Variants in DNAH7 observed in about 807,000 individuals in gnomAD.
The protein encoded by DNAH7 is dynein axonemal heavy chain 7.
Under a neutral mutation model 444.6 loss-of-function variants are expected in DNAH7, and 397 were observed. That is an observed-to-expected ratio of 0.89 (90% CI 0.82 to 0.97). DNAH7 has a LOEUF of 0.97. Ranked by LOEUF, DNAH7 falls within the 50% of genes least tolerant of loss-of-function variation. The probability of loss-of-function intolerance (pLI) is 0.00; values close to 1 mark genes in which losing one functional copy is unlikely to be tolerated. For synonymous variants in DNAH7, 1,636 were observed against 1,624.4 expected (o/e 1.01, Z -0.17); for missense variants, 4,902 against 4,800.8 (o/e 1.02, Z -0.62).
rs749751044 is a variant in DNAH7, at chr2:195,884,702, T to G, written c.5646A>C (p.Ser1882=). Residue 1882 remains serine, a synonymous_variant, in exon 35 of 65, where the codon TCA becomes TCC. Transcript: ENST00000312428. ...ATTTAAACGTATTTCGAGTTCGATC[T>G]GAAATTGGACTTTCCATTAGTTCTC... is the stretch of plus-strand genomic sequence containing the variant. ...ILRELMESPI[S]DRTRNTFKLQ... The G allele has an allele frequency of 4.0e-5, 65 of 1,614,038 alleles. No homozygotes were observed. The highest frequency in any genetic ancestry group is 5.3e-5 in the Non-Finnish European group (63 of 1,179,972).
At chr2:195,908,662 C>T (rs1687181704) in intron 25 of DNAH7, among the ~76,000 whole-genome samples, 1 of 152,016 alleles carries the variant, frequency 6.6e-6, no homozygotes, top group South Asian at 2.1e-4. Context: ...ACCCCATTTT[C>T]TTTATCCATT....
chr2:195,889,353 G>T (rs1009653856), intron 31 of DNAH7, among the ~76,000 whole-genome samples: 4 of 131,958 alleles, frequency 3.0e-5, no homozygotes, highest in African/African-American at 1.1e-4. Context: ...TCACTCTGTT[G>T]TCCAGGCTGG....
intron 51 of DNAH7, among the ~76,000 whole-genome samples, chr2:195,810,817 A>T (rs1696934662): frequency 6.6e-6 from 1 of 152,196 alleles, no homozygotes; most frequent in Non-Finnish European, 1.5e-5. Flanking sequence ...TAGAAGACTT[A>T]AAATAAACAT....
At chr2:196,068,447 C>G (rs1407240905) in intron 1 of DNAH7, 1 of 554,244 alleles carries the variant, frequency 1.8e-6, no homozygotes, top group African/African-American at 1.9e-5. Context: ...CTGTGGCTCC[C>G]CCTGCTGGCG....
chr2:195,870,190 CG>C (rs1700591435), intron 40 of DNAH7, among the ~76,000 whole-genome samples: 1 of 152,060 alleles, frequency 6.6e-6, no homozygotes, highest in Non-Finnish European at 1.5e-5. Flanking sequence ...GGAAAACCAG[CG>C]CATAAATATA....
intron 47 of DNAH7, among the ~76,000 whole-genome samples, chr2:195,834,800 T>C (rs1323924865): frequency 6.6e-6 from 1 of 152,146 alleles, no homozygotes; most frequent in Non-Finnish European, 1.5e-5. Flanking sequence ...ATTTGTATAA[T>C]AGGGAAAGAG....
At chr2:195,777,484 A>G (rs984696851) in intron 59 of DNAH7, among the ~76,000 whole-genome samples, 12 of 152,322 alleles carry the variant, frequency 7.9e-5, no homozygotes, top group African/African-American at 2.9e-4. Flanking sequence ...TTTTGCTAAT[A>G]CCATCTCTTA....
chr2:196,041,732 C>T (rs1696774154), intron 5 of DNAH7, among the ~76,000 whole-genome samples: 1 of 151,510 alleles, frequency 6.6e-6, no homozygotes, highest in African/African-American at 2.4e-5. Context: ...ATTTGCATAG[C>T]AAAAGAAACA....
chr2:195,808,849 G>T lies in DNAH7; in HGVS notation c.9916C>A (p.Leu3306Ile), dbSNP rs750427688. Residue 3306 changes from leucine to isoleucine, a missense_variant, in exon 53 of 65, where the codon CTA (leucine) becomes ATA (isoleucine). Leu to Ile is a conservative substitution (Grantham distance 5). Coordinates refer to ENST00000312428, the MANE Select transcript of DNAH7 (RefSeq NM_018897.3). ...TTATCCAGTCCAATGCCACCAGTTAGCAGAAATCTCCACTCAGCTTTATTA... is the reference window on the plus strand; with the variant it reads ...TTATCCAGTCCAATGCCACCAGTTATCAGAAATCTCCACTCAGCTTTATTA... ...AINKAEWRFL[L>I]TGGIGLDNPY... The T allele has an allele frequency of 1.9e-6, 3 of 1,613,538 alleles. No homozygotes were observed. The highest frequency in any genetic ancestry group is 3.3e-5 in the Admixed American group (2 of 59,864).
chr2:195,850,593 T>C (rs764657023), intron 46 of DNAH7, among the ~76,000 whole-genome samples: 3 of 152,130 alleles, frequency 2.0e-5, no homozygotes, highest in Admixed American at 6.5e-5. Context: ...ATAAAAGAGT[T>C]GATAAATAAT....
At chr2:195,886,038 T>C (rs1315720794) in intron 34 of DNAH7, 103 bp downstream of exon 34, 3 of 1,391,048 alleles carry the variant, frequency 2.2e-6, no homozygotes, top group Non-Finnish European at 2.9e-6. Flanking sequence ...TTGACTAGTC[T>C]CCAACTTCAG....
At chr2:195,915,056 G>C (rs1687588679) in intron 24 of DNAH7, among the ~76,000 whole-genome samples, 1 of 152,192 alleles carries the variant, frequency 6.6e-6, no homozygotes, top group South Asian at 2.1e-4. Context: ...TTAAATGCCT[G>C]CGTTATGCCA....
At position 195,988,196 on chromosome 2, in the gene DNAH7, T is replaced by C. The variant is rs777753249; in HGVS notation, c.1387A>G (p.Ile463Val). The change falls in exon 13 of 65, where the codon ATA becomes GTA. Residue 463 changes from isoleucine (I) to valine (V), a missense_variant. Coordinates refer to ENST00000312428, the MANE Select transcript of DNAH7 (RefSeq NM_018897.3). The stretch of plus-strand genomic sequence containing the variant: ...GCATCTACAATTTCATTCAGAATTA[T>C]GGGCTTCAAGGTTGTTGGTTTAGAC... ...SKSKPTTLKPIILNEIVDAHK... is the reference protein window; with the variant it reads ...SKSKPTTLKPVILNEIVDAHK... 5.6e-6 allele frequency: 9 copies of C among 1,612,406 alleles called. No individual in the cohort carries two copies. The highest frequency in any genetic ancestry group is 1.1e-5 in the South Asian group (1 of 90,496).
At position 195,864,422 on chromosome 2, in the gene DNAH7, A is replaced by T. The variant is rs745997776; in HGVS notation, c.7233T>A (p.Asp2411Glu). 1 of 1,614,204 alleles carries T rather than the reference A, an allele frequency of 6.2e-7. No individual in the cohort carries two copies. Among genetic ancestry groups the T allele is most frequent in the African/African-American group, 1.3e-5 (1 of 75,062 alleles). Residue 2411 changes from aspartate (D) to glutamate (E), a missense_variant, in exon 41 of 65, where the codon GAT becomes GAA. Coordinates refer to ENST00000312428, the MANE Select transcript of DNAH7 (RefSeq NM_018897.3). ...CCCCAGCATTTAGCAGATTACTGAC[A>T]TCTTCCAGAAAAGACTCTTCTTTAA... ...TQIKEESFLE[D>E]VSNLLNAGEI...
chr2:196,017,109 G>A (rs1310557004), intron 9 of DNAH7, among the ~76,000 whole-genome samples: 1 of 152,070 alleles, frequency 6.6e-6, no homozygotes, highest in Non-Finnish European at 1.5e-5. Flanking sequence ...TCTGCCTTTT[G>A]GTTCAAGTTA....
At chr2:195,846,762 C>T (rs1428775793) in intron 46 of DNAH7, among the ~76,000 whole-genome samples, 1 of 152,102 alleles carries the variant, frequency 6.6e-6, no homozygotes. Context: ...CGTGAAAAGG[C>T]TAGACTGGCT....
intron 24 of DNAH7, among the ~76,000 whole-genome samples, chr2:195,913,249 G>A (rs1434936675): frequency 6.6e-6 from 1 of 152,066 alleles, no homozygotes; most frequent in Non-Finnish European, 1.5e-5. Flanking sequence ...GGAACCTGGA[G>A]TTAAAGTAGT....
chr2:195,974,755 TACACACACACACACACACACACACAC>T (rs58054572), intron 15 of DNAH7, among the ~76,000 whole-genome samples: 4 of 143,576 alleles, frequency 2.8e-5, no homozygotes, highest in African/African-American at 1.0e-4. Context: ...ATGTATATTT[TACACACACACACACACACACACACAC>T]ACACACACAC....
intron 15 of DNAH7, among the ~76,000 whole-genome samples, chr2:195,973,400 T>C (rs934902134): frequency 2.0e-5 from 3 of 152,174 alleles, no homozygotes; most frequent in Non-Finnish European, 4.4e-5. Flanking sequence ...TGCACTTTAC[T>C]GTAAATTCCA....
Sources: allele counts gnomAD v4.1 joint callset (sites outside exome capture counted in the v4.1 genomes callset), GRCh38; gene constraint gnomAD v4.1.1; transcripts MANE v1.5; gene names NCBI Gene and HGNC (gene_info 2026-07-23, HGNC 2026-07-21).